The following GOSR2 variants were observed in gnomAD, a reference collection of about 807,000 sequenced individuals.
GOSR2 encodes the protein 27 kDa Golgi SNARE protein.
A neutral mutation model predicts 27.9 loss-of-function variants in GOSR2; 20 were observed. The ratio of observed to expected loss-of-function variants is 0.72; its 90% CI spans 0.50 to 1.04. GOSR2 has a LOEUF of 1.04. Ranked by LOEUF, GOSR2 falls within the 50% of genes least tolerant of loss-of-function variation. The probability of loss-of-function intolerance (pLI) is 0.00; values close to 1 mark genes in which losing one functional copy is unlikely to be tolerated. For synonymous variants in GOSR2, 91 were observed against 98.8 expected, an observed-to-expected ratio of 0.92 and a Z score of 0.47; for missense variants, 261 against 270.5, an observed-to-expected ratio of 0.97 and a Z score of 0.25.
downstream of GOSR2, chr17:46,942,047 A>G (rs76393806): frequency 1.5e-6 from 1 of 684,150 alleles, no homozygotes; most frequent in Non-Finnish European, 1.8e-6. Flanking sequence ...ATTTGAGGAG[A>G]CTTTGAGGAA....
chr17:46,950,290 C>T (rs968324243), intron 6 of GOSR2, among the ~76,000 whole-genome samples: 3 of 152,184 alleles, frequency 2.0e-5, no homozygotes, highest in African/African-American at 7.2e-5. Flanking sequence ...AGTGTGGACT[C>T]TCTGCCTCTT....
At position 46,940,766 on chromosome 17, in the gene GOSR2, T is replaced by A. The variant is rs2089164262; in HGVS notation, c.*2006T>A. ...CATGCTGCACCTTCAGAGCCAGTCCTCTAGTTTGGAATAAAAATTGCAGAG... is the reference window on the plus strand; with the variant it reads ...CATGCTGCACCTTCAGAGCCAGTCCACTAGTTTGGAATAAAAATTGCAGAG... On this transcript the variant is annotated 3_prime_UTR_variant, in exon 6 of 6. Transcript: ENST00000640051. 2 of 1,533,794 alleles carry A rather than the reference T, an allele frequency of 1.3e-6. No homozygotes were observed. The highest frequency in any genetic ancestry group is 1.8e-6 in the Non-Finnish European group (2 of 1,142,702).
intron 6 of GOSR2, among the ~76,000 whole-genome samples, chr17:46,950,589 T>C (rs1257008667): frequency 1.3e-5 from 2 of 152,148 alleles, no homozygotes; most frequent in African/African-American, 4.8e-5. Flanking sequence ...GGGGCAGCCA[T>C]GAGCTTCAGG....
At chr17:46,929,627 C>T in intron 2 of GOSR2, 43 bp downstream of exon 2, 1 of 975,504 alleles carries the variant, frequency 1.0e-6, no homozygotes, top group South Asian at 1.3e-5. Flanking sequence ...TCTCTGATGA[C>T]AGGGTGCTAA....
chr17:46,940,122 CTT>C lies in GOSR2; in HGVS notation c.*1363_*1364del. 8.1e-7 allele frequency: 1 copy of C among 1,229,754 alleles called. No homozygotes were observed. The highest frequency in any genetic ancestry group is 1.0e-6 in the Non-Finnish European group (1 of 978,910). 76.2% of individuals were successfully genotyped at this position (1,229,754 alleles called of 1,614,324 possible). On this transcript the variant is annotated 3_prime_UTR_variant, in exon 6 of 6. Coordinates refer to ENST00000640051, the MANE Select transcript of GOSR2 (RefSeq NM_004287.5). ...CCTTTCTGTGTTCCTCTTCACCTCT[CTT>C]GTTCCCCTCCCCGCTGCTCTGTAGT...
At chr17:46,959,904 TCTAAAG>T (rs1321245373) in intron 6 of GOSR2, among the ~76,000 whole-genome samples, 22 of 152,318 alleles carry the variant, frequency 1.4e-4, no homozygotes, top group Admixed American at 3.9e-4. Context: ...AGAGAGCTCC[TCTAAAG>T]GAATTCAGGC....
At chr17:46,931,500 C>CT (rs1446594094) in intron 3 of GOSR2, 15 of 463,064 alleles carry the variant, frequency 3.2e-5, no homozygotes, top group African/African-American at 2.9e-4. Flanking sequence ...CACCTGAAGC[C>CT]TAATGTTGCC....
intron 4 of GOSR2, 63 bp from the exon 5 acceptor site, chr17:46,934,966 C>T (rs1568177187): frequency 6.8e-7 from 1 of 1,472,588 alleles, no homozygotes; most frequent in South Asian, 1.1e-5. Context: ...AAAGACAGAG[C>T]AGTGAGACCC....
At position 46,959,762 on chromosome 17, in the gene GOSR2, C is replaced by T. The variant is rs570203994; in HGVS notation, c.584-6772C>T. Among the ~76,000 whole-genome samples, 45 of 152,310 alleles carry T rather than the reference C, an allele frequency of 3.0e-4. 2 individuals are homozygous for T. In the East Asian group the frequency reaches 8.3e-3, roughly 28 times the overall value. On this transcript the variant is annotated intron_variant, in intron 6 of 6. Coordinates refer to the GOSR2 transcript ENST00000573224. Reference sequence around the variant, plus strand: ...TGCCATCCCACTCTCCACTACAAAACTTTTCCCTTCCCTTTTGTCTCACTA... The same window carrying T: ...TGCCATCCCACTCTCCACTACAAAATTTTTCCCTTCCCTTTTGTCTCACTA...
rs1228932601 is a variant in GOSR2 at position 46,931,175 on chromosome 17, G to A, written c.171G>A (p.Lys57=). 2 of 1,603,414 alleles carry A rather than the reference G, an allele frequency of 1.2e-6. No individual in the cohort carries two copies. The highest frequency in any genetic ancestry group is 1.7e-6 in the Non-Finnish European group (2 of 1,170,322). The change falls in exon 3 of 6, where the codon AAG becomes AAA. Residue 57 remains lysine, a synonymous_variant. Transcript: ENST00000640051. The stretch of plus-strand genomic sequence containing the variant: ...AACGTCTGGAGATTTTGTCCAGCAA[G>A]GAGCCCCCTAACAAAAGGCAAAATG... ...RLERLEILSS[K]EPPNKRQNAR...
intron 1 of GOSR2, among the ~76,000 whole-genome samples, chr17:46,925,907 A>G (rs545177292): frequency 2.0e-5 from 3 of 152,242 alleles, no homozygotes. Context: ...TTTAATTTAG[A>G]TGAACTTTAT....
chr17:46,931,270 T>A (rs193091114), intron 3 of GOSR2, 63 bp downstream of exon 3: 227 of 838,506 alleles, frequency 2.7e-4, no homozygotes, highest in Admixed American at 1.7e-3. Flanking sequence ...CTTTTCTCCC[T>A]GGGGGAGGTG....
chr17:46,953,500 A>G (rs1156324080), intron 6 of GOSR2, among the ~76,000 whole-genome samples: 4 of 152,314 alleles, frequency 2.6e-5, no homozygotes, highest in East Asian at 3.9e-4. Context: ...TAGTGCCGCA[A>G]TAAACATACG....
At chr17:46,943,583 C>A (rs74780658), downstream of GOSR2, among the ~76,000 whole-genome samples, 2 of 152,224 alleles carry the variant, frequency 1.3e-5, no homozygotes, top group African/African-American at 4.8e-5. Flanking sequence ...TGCTCCTCAC[C>A]GCAGGGGCCT....
At chr17:46,942,188 C>T (rs1303791830), downstream of GOSR2, among the ~76,000 whole-genome samples, 2 of 152,196 alleles carry the variant, frequency 1.3e-5, no homozygotes, top group Non-Finnish European at 2.9e-5. Flanking sequence ...ATTTGACTTT[C>T]AGCTCCAGTA....
At chr17:46,943,324 A>G (rs2089512260), downstream of GOSR2, among the ~76,000 whole-genome samples, 1 of 152,176 alleles carries the variant, frequency 6.6e-6, no homozygotes, top group Non-Finnish European at 1.5e-5. Flanking sequence ...TTGATGTGAC[A>G]GGCCAGCTCT....
downstream of GOSR2, among the ~76,000 whole-genome samples, chr17:46,969,986 C>CG (rs1232843575): frequency 1.3e-5 from 2 of 152,122 alleles, no homozygotes; most frequent in Non-Finnish European, 2.9e-5. Context: ...AAGCAGACAC[C>CG]GGGGGTCAAA....
chr17:46,946,103 A>G (rs1419512918), downstream of GOSR2, among the ~76,000 whole-genome samples: 1 of 151,982 alleles, frequency 6.6e-6, no homozygotes, highest in Non-Finnish European at 1.5e-5. Flanking sequence ...CTGGGAATCA[A>G]TTCTCTGTCG....
chr17:46,965,691 CG>C (rs2091284919), intron 6 of GOSR2, among the ~76,000 whole-genome samples: 1 of 152,106 alleles, frequency 6.6e-6, no homozygotes, highest in African/African-American at 2.4e-5. Flanking sequence ...GGTGTGATCA[CG>C]GCACGCTGCA....
Sources: gnomAD v4.1 joint callset for allele counts (sites outside exome capture counted in the v4.1 genomes callset) on GRCh38, gnomAD v4.1.1 for gene constraint, MANE v1.5 for transcripts, NCBI Gene and HGNC (gene_info 2026-07-23, HGNC 2026-07-21) for gene names.